Variants in NMNAT2 observed in about 807,000 individuals in gnomAD.
NMNAT2 encodes nicotinamide/nicotinic acid mononucleotide adenylyltransferase 2.
A neutral mutation model predicts 41.6 loss-of-function variants in NMNAT2; 11 were observed. The ratio of observed to expected loss-of-function variants is 0.26; its 90% CI spans 0.17 to 0.44. NMNAT2 has a LOEUF of 0.44. NMNAT2 is among the 20% of genes least tolerant of loss of function. NMNAT2 has a pLI of 1.00. For synonymous variants in NMNAT2, 148 were observed against 151.2 expected (o/e 0.98, Z 0.16); for missense variants, 288 against 407.7 (o/e 0.71, Z 2.53).
chr1:183,273,712 TTTTC>T (rs775886827), intron 8 of NMNAT2, among the ~76,000 whole-genome samples: 4 of 152,180 alleles, frequency 2.6e-5, no homozygotes, highest in African/African-American at 4.8e-5. Flanking sequence ...CCAGCTCTAT[TTTTC>T]TTTCTTTCTC....
intron 1 of NMNAT2, among the ~76,000 whole-genome samples, chr1:183,353,531 C>T (rs1462695771): frequency 6.6e-6 from 1 of 152,076 alleles, no homozygotes; most frequent in Non-Finnish European, 1.5e-5. Flanking sequence ...TGCAGCAGAC[C>T]AGGGGAAAGA....
chr1:183,309,788 A>G (rs577935595), intron 1 of NMNAT2, among the ~76,000 whole-genome samples: 2 of 152,246 alleles, frequency 1.3e-5, no homozygotes, highest in Admixed American at 6.5e-5. Context: ...TACAAAATTC[A>G]TAAGCAAGGA....
intron 1 of NMNAT2, among the ~76,000 whole-genome samples, chr1:183,303,706 A>G (rs986665834): frequency 1.3e-5 from 2 of 152,252 alleles, no homozygotes; most frequent in African/African-American, 4.8e-5. Flanking sequence ...GTCCAGCCTA[A>G]GCCTTAAGAC....
At chr1:183,308,714 G>C (rs1662048151) in intron 1 of NMNAT2, among the ~76,000 whole-genome samples, 1 of 152,220 alleles carries the variant, frequency 6.6e-6, no homozygotes, top group African/African-American at 2.4e-5. Context: ...AAATAAAACT[G>C]TGAGTCTAAA....
intron 1 of NMNAT2, among the ~76,000 whole-genome samples, chr1:183,324,204 A>G (rs1277246692): frequency 6.6e-6 from 1 of 152,198 alleles, no homozygotes; most frequent in Non-Finnish European, 1.5e-5. Context: ...CCCCTCCTGC[A>G]ATGCCAGGAA....
At chr1:183,285,610 T>G (rs954477247) in intron 5 of NMNAT2, among the ~76,000 whole-genome samples, 3 of 152,180 alleles carry the variant, frequency 2.0e-5, no homozygotes, top group Non-Finnish European at 4.4e-5. Context: ...TCTCCAGGCT[T>G]GAAAAGTAAT....
intron 1 of NMNAT2, among the ~76,000 whole-genome samples, chr1:183,391,290 T>C (rs1047839751): frequency 2.0e-5 from 3 of 152,184 alleles, no homozygotes; most frequent in African/African-American, 4.8e-5. Flanking sequence ...TTCCCACCAC[T>C]TCTATCCACC....
chr1:183,291,124 C>T (rs1025314042), intron 3 of NMNAT2, among the ~76,000 whole-genome samples: 19 of 152,150 alleles, frequency 1.2e-4, no homozygotes, highest in Admixed American at 1.1e-3. Flanking sequence ...ACCACATTGT[C>T]CAGGCTGGTC....
At position 183,418,047 on chromosome 1, in the gene NMNAT2, A is replaced by T. The variant is rs539487179; in HGVS notation, c.85+136T>A. 136 of 776,388 alleles carry T rather than the reference A, an allele frequency of 1.8e-4. No individual in the cohort carries two copies. The East Asian group carries it at 2.6e-3, about 15-fold the overall frequency. 48.1% of individuals were successfully genotyped at this position (776,388 alleles called of 1,614,324 possible). ...CCCTGAGTCCAAAATGAAGGGGCCGACCTCCACCAGCTGGATGAGCCGGCC... is the reference window on the plus strand; with the variant it reads ...CCCTGAGTCCAAAATGAAGGGGCCGTCCTCCACCAGCTGGATGAGCCGGCC... On this transcript the variant is annotated intron_variant, in intron 1 of 10. Coordinates refer to ENST00000287713, the MANE Select transcript of NMNAT2 (RefSeq NM_015039.4).
chr1:183,300,013 T>A (rs1371281590), intron 1 of NMNAT2, among the ~76,000 whole-genome samples: 2 of 152,108 alleles, frequency 1.3e-5, no homozygotes, highest in Non-Finnish European at 1.5e-5. Flanking sequence ...GGGAGGTGAC[T>A]AGGTCATGAG....
In NMNAT2 at chr1:183,248,474, TC is replaced by T. The variant is rs1414627764; in HGVS notation, c.*4166del. 1 of 152,512 alleles carries T rather than the reference TC, an allele frequency of 6.6e-6. No individual in the cohort carries two copies. Among genetic ancestry groups the T allele is most frequent in the Non-Finnish European group, 1.5e-5 (1 of 68,010 alleles). The allele number at this position is 152,512 out of a possible 1,614,324, so 9.4% of individuals were successfully genotyped here. A position where few individuals can be genotyped will look rare whatever the true frequency, so the allele number is the denominator to read the frequency against. ...AGCTTCCCCCTCCTCATGCCAACCCTCAAGACCATGTGGATCCAGCTGAATC... is the reference window on the plus strand; with the variant it reads ...AGCTTCCCCCTCCTCATGCCAACCCTAAGACCATGTGGATCCAGCTGAATC... On this transcript the variant is annotated 3_prime_UTR_variant, in exon 11 of 11. Transcript: ENST00000287713.
At chr1:183,398,762 C>G (rs538664537) in intron 1 of NMNAT2, among the ~76,000 whole-genome samples, 1 of 152,308 alleles carries the variant, frequency 6.6e-6, no homozygotes, top group Admixed American at 6.5e-5. Context: ...GAAACTCACT[C>G]AAAACTGCTC....
chr1:183,410,000 T>C (rs1649071026), intron 1 of NMNAT2, among the ~76,000 whole-genome samples: 2 of 152,134 alleles, frequency 1.3e-5, no homozygotes. Flanking sequence ...TGTACAATGG[T>C]TCCATTTCAG....
chr1:183,324,733 G>A (rs1662425365), intron 1 of NMNAT2, among the ~76,000 whole-genome samples: 1 of 152,084 alleles, frequency 6.6e-6, no homozygotes, highest in Non-Finnish European at 1.5e-5. Context: ...TGGTTTCCCT[G>A]TGCCGCCCTT....
At chr1:183,414,927 G>A (rs988776216) in intron 1 of NMNAT2, among the ~76,000 whole-genome samples, 24 of 152,128 alleles carry the variant, frequency 1.6e-4, no homozygotes, top group African/African-American at 5.8e-4. Context: ...TCTTGTTTGT[G>A]TCTGTTTTTT....
intron 1 of NMNAT2, chr1:183,304,658 G>A: frequency 6.2e-7 from 1 of 1,612,520 alleles, no homozygotes; most frequent in Non-Finnish European, 8.5e-7. Context: ...GCCTCAGGCT[G>A]TCTGAACTCA....
At chr1:183,347,769 A>T (rs1662964387) in intron 1 of NMNAT2, among the ~76,000 whole-genome samples, 1 of 152,104 alleles carries the variant, frequency 6.6e-6, no homozygotes, top group African/African-American at 2.4e-5. Context: ...CAGATCTTTG[A>T]ATGGAAACTG....
chr1:183,284,779 C>T lies in NMNAT2; in HGVS notation c.460G>A (p.Gly154Arg). ...ATKPTAAKILGKVGESLSRIC... is the reference protein window; with the variant it reads ...ATKPTAAKILRKVGESLSRIC... ...CGGCTGAGGCTTTCTCCCACCTTCC[C>T]CAAGATCTTGGCTATGGGAGAGAGC... Residue 154 changes from glycine to arginine, a missense_variant, in exon 6 of 11, where the codon GGG becomes AGG. Around this residue, in one of 3 missense-constraint regions of NMNAT2, gnomAD observed 181 missense variants for 213.7 expected, o/e 0.85. Coordinates refer to ENST00000287713, the MANE Select transcript of NMNAT2 (RefSeq NM_015039.4). 1 of 1,614,078 alleles carries T rather than the reference C, an allele frequency of 6.2e-7. No homozygotes were observed. The highest frequency in any genetic ancestry group is 8.5e-7 in the Non-Finnish European group (1 of 1,179,962).
At chr1:183,299,623 A>G (rs1262940248) in intron 1 of NMNAT2, among the ~76,000 whole-genome samples, 2 of 151,450 alleles carry the variant, frequency 1.3e-5, no homozygotes, top group Admixed American at 1.3e-4. Context: ...CATGACCAAC[A>G]TGGGCAACAT....
Sources: allele counts gnomAD v4.1 joint callset (sites outside exome capture counted in the v4.1 genomes callset), GRCh38; gene constraint gnomAD v4.1.1; regional missense constraint gnomAD v4.1.1; transcripts MANE v1.5; gene names NCBI Gene and HGNC (gene_info 2026-07-23, HGNC 2026-07-21).